The following CNBD1 variants were observed in gnomAD, a reference collection of about 807,000 sequenced individuals.
CNBD1 encodes cyclic nucleotide-binding domain-containing protein 1.
Under a neutral mutation model 54.4 loss-of-function variants are expected in CNBD1, and 71 were observed. The ratio of observed to expected loss-of-function variants is 1.30; its 90% confidence interval spans 1.08 to 1.59. CNBD1 has a LOEUF of 1.59. Ranked by LOEUF, CNBD1 falls within the 40% of genes most tolerant of loss-of-function variation. CNBD1 has a pLI of 0.00. For missense variants in CNBD1, 659 were observed against 518.0 expected (o/e 1.27, Z -2.64); for synonymous variants, 182 against 170.7 (o/e 1.07, Z -0.51).
intron 5 of CNBD1, 82 bp from the exon 6 acceptor site, chr8:87,236,837 T>G: frequency 1.4e-6 from 1 of 716,722 alleles, no homozygotes; most frequent in East Asian, 2.7e-5. Context: ...GAAAGTACCG[T>G]AAGTGTAATA....
At position 87,325,221 on chromosome 8, in the gene CNBD1, A is replaced by C. The variant is rs1312887538; in HGVS notation, c.1043-26464A>C. Among the ~76,000 whole-genome samples, 2 of 94,904 alleles carry C rather than the reference A, an allele frequency of 2.1e-5. 1 individual carries two copies. The highest frequency in any genetic ancestry group is 4.1e-5 in the Non-Finnish European group (2 of 48,522). The allele number at this position is 94,904 out of a possible 152,430, so 62.3% of individuals were successfully genotyped here. On this transcript the variant is annotated intron_variant, in intron 8 of 10. Transcript: ENST00000518476. ...ATTTGCTGAGGAGAGCTTTACTTCCAAGTATGTGGTCAATTTTGGAATAGG... is the reference window on the plus strand; with the variant it reads ...ATTTGCTGAGGAGAGCTTTACTTCCCAGTATGTGGTCAATTTTGGAATAGG...
rs189291459 is a variant in CNBD1 at position 87,167,475 on chromosome 8, T to C, written c.432-38518T>C. ...ATTTTTTGTTGTTGTTGTTTTGTTT[T>C]TAGATGGAGTCTCGCTCTGTCACCC... On this transcript the variant is annotated intron_variant, in intron 4 of 10. Coordinates refer to ENST00000518476, the MANE Select transcript of CNBD1 (RefSeq NM_173538.3). Among the ~76,000 whole-genome samples the C allele has an allele frequency of 1.8e-3, 277 of 152,060 alleles. 1 individual carries two copies. The highest frequency in any genetic ancestry group is 6.8e-3 in the Middle Eastern group (2 of 294).
chr8:87,360,354 A>T (rs1370554483), intron 10 of CNBD1, among the ~76,000 whole-genome samples: 2 of 151,922 alleles, frequency 1.3e-5, no homozygotes, highest in Middle Eastern at 3.2e-3. Flanking sequence ...TTTGGAAGTT[A>T]GGAAATATCT....
intron 1 of CNBD1, among the ~76,000 whole-genome samples, chr8:86,871,973 T>G (rs759685075): frequency 2.6e-5 from 4 of 151,808 alleles, no homozygotes; most frequent in Non-Finnish European, 5.9e-5. Flanking sequence ...ATTACTAGAG[T>G]TAAAGTACTC....
At chr8:87,299,527 G>T (rs970815859) in intron 8 of CNBD1, among the ~76,000 whole-genome samples, 1 of 152,114 alleles carries the variant, frequency 6.6e-6, no homozygotes, top group African/African-American at 2.4e-5. Flanking sequence ...ATAAGTCTTT[G>T]GGAACATGCA....
intron 4 of CNBD1, among the ~76,000 whole-genome samples, chr8:87,197,058 C>G (rs1813737430): frequency 6.6e-6 from 1 of 151,984 alleles, no homozygotes; most frequent in Non-Finnish European, 1.5e-5. Flanking sequence ...TTTTATACAC[C>G]ACTGTATGTG....
intron 1 of CNBD1, among the ~76,000 whole-genome samples, chr8:86,873,916 A>T (rs1370487849): frequency 3.3e-5 from 5 of 152,208 alleles, no homozygotes; most frequent in Admixed American, 2.6e-4. Flanking sequence ...TGTATTTTTA[A>T]AAAAACATTG....
intron 3 of CNBD1, among the ~76,000 whole-genome samples, chr8:86,934,531 T>A (rs930499855): frequency 2.6e-5 from 4 of 152,218 alleles, no homozygotes; most frequent in Admixed American, 1.3e-4. Context: ...GAATGTTGAA[T>A]CAATTAAAGC....
At chr8:87,180,942 A>C (rs1813299136) in intron 4 of CNBD1, among the ~76,000 whole-genome samples, 1 of 152,210 alleles carries the variant, frequency 6.6e-6, no homozygotes, top group Admixed American at 6.5e-5. Context: ...TCCACAAAGC[A>C]GATGGGCCAC....
In CNBD1 at chr8:87,380,611, T is replaced by C. The variant is rs186893896; in HGVS notation, c.1304-2009T>C. Among the ~76,000 whole-genome samples, 116 of 152,132 alleles carry C rather than the reference T, an allele frequency of 7.6e-4. 1 individual carries two copies. The highest frequency in any genetic ancestry group is 2.6e-3 in the African/African-American group (106 of 41,520). On this transcript the variant is annotated intron_variant, in intron 10 of 10. Transcript: ENST00000518476. The stretch of plus-strand genomic sequence containing the variant: ...TGAATCTGTAGGTCTCATTGGGTAA[T>C]AGGGACATTTTAACAATATTGTCTT...
At chr8:87,073,349 G>C (rs1363004474) in intron 4 of CNBD1, among the ~76,000 whole-genome samples, 1 of 152,060 alleles carries the variant, frequency 6.6e-6, no homozygotes, top group East Asian at 1.9e-4. Context: ...CCTTGCCGGA[G>C]AGGTATTGTA....
intron 2 of CNBD1, among the ~76,000 whole-genome samples, chr8:87,401,739 C>A (rs998167954): frequency 2.6e-5 from 4 of 151,950 alleles, no homozygotes; most frequent in African/African-American, 7.2e-5. Context: ...TTCGTAGAAG[C>A]ATGGATTTTT....
intron 8 of CNBD1, among the ~76,000 whole-genome samples, chr8:87,334,954 G>C (rs973490491): frequency 1.3e-5 from 2 of 151,888 alleles, no homozygotes; most frequent in Non-Finnish European, 2.9e-5. Flanking sequence ...TCAGTCTCTT[G>C]ACCTCATGAT....
chr8:87,110,613 C>T (rs773349214), intron 4 of CNBD1, among the ~76,000 whole-genome samples: 2 of 152,322 alleles, frequency 1.3e-5, no homozygotes, highest in African/African-American at 2.4e-5. Flanking sequence ...CCCCTGCCCT[C>T]CGGAGCATGT....
At chr8:87,374,254 T>A (rs1194567290) in intron 10 of CNBD1, among the ~76,000 whole-genome samples, 1 of 151,820 alleles carries the variant, frequency 6.6e-6, no homozygotes, top group Non-Finnish European at 1.5e-5. Flanking sequence ...TGTGCAATAG[T>A]GTTTTTCTTG....
At chr8:87,372,278 G>C (rs1231335638) in intron 10 of CNBD1, among the ~76,000 whole-genome samples, 1 of 151,910 alleles carries the variant, frequency 6.6e-6, no homozygotes, top group African/African-American at 2.4e-5. Flanking sequence ...CTGCTTTCAA[G>C]ATTTTGTTTC....
chr8:87,189,480 G>A (rs1031316033), intron 4 of CNBD1, among the ~76,000 whole-genome samples: 24 of 152,014 alleles, frequency 1.6e-4, no homozygotes, highest in African/African-American at 5.8e-4. Context: ...GTATTCTGGT[G>A]GGTATACCAT....
chr8:86,940,832 T>C (rs1418931657), intron 4 of CNBD1, among the ~76,000 whole-genome samples: 1 of 152,212 alleles, frequency 6.6e-6, no homozygotes. Context: ...TTCTGAAGAA[T>C]GAACTTTTTC....
intron 3 of CNBD1, among the ~76,000 whole-genome samples, chr8:86,920,779 G>T (rs1048331830): frequency 1.3e-5 from 2 of 152,116 alleles, no homozygotes; most frequent in Non-Finnish European, 2.9e-5. Flanking sequence ...CCAATTGCTC[G>T]AATTAAAGAA....
Sources: allele counts gnomAD v4.1 joint callset (sites outside exome capture counted in the v4.1 genomes callset), GRCh38; gene constraint gnomAD v4.1.1; transcripts MANE v1.5; gene names NCBI Gene and HGNC (gene_info 2026-07-23, HGNC 2026-07-21).